Variants in ST8SIA4 observed in about 807,000 individuals in gnomAD.
ST8SIA4 encodes ST8 alpha-N-acetyl-neuraminide alpha-2,8-sialyltransferase 4.
In ST8SIA4, 15 loss-of-function variants were observed where a neutral mutation model predicts 33.9. The observed-to-expected ratio is 0.44, with a 90% CI of 0.30 to 0.68. ST8SIA4 has a LOEUF of 0.68. Among genes scored for constraint, ST8SIA4 ranks in the 30% least tolerant of loss-of-function variants. The probability of loss-of-function intolerance (pLI) is 0.10; values close to 1 mark genes in which losing one functional copy is unlikely to be tolerated. For missense variants in ST8SIA4, 321 were observed against 428.0 expected (o/e 0.75, Z 2.21); for synonymous variants, 171 against 151.2 (o/e 1.13, Z -0.96).
intron 4 of ST8SIA4, among the ~76,000 whole-genome samples, chr5:100,846,567 C>G (rs1751577361): frequency 6.6e-6 from 1 of 151,748 alleles, no homozygotes; most frequent in Admixed American, 6.6e-5. Flanking sequence ...GTCAATCTCA[C>G]CAAAAGGAAA....
intron 4 of ST8SIA4, chr5:100,848,928 C>T (rs1249808473): frequency 6.1e-6 from 1 of 162,878 alleles, no homozygotes; most frequent in Non-Finnish European, 1.3e-5. Flanking sequence ...TTATATATTT[C>T]AAATATATAT....
chr5:100,858,729 T>C (rs1751870978), intron 3 of ST8SIA4, among the ~76,000 whole-genome samples: 1 of 152,056 alleles, frequency 6.6e-6, no homozygotes, highest in Non-Finnish European at 1.5e-5. Context: ...CAAACCAACA[T>C]ATTTGATTTA....
chr5:100,870,569 A>G (rs1469360970), intron 3 of ST8SIA4, among the ~76,000 whole-genome samples: 2 of 152,288 alleles, frequency 1.3e-5, no homozygotes. Context: ...AAAATCGTTT[A>G]CAATCTTTGT....
intron 3 of ST8SIA4, among the ~76,000 whole-genome samples, chr5:100,858,344 C>T (rs1580466236): frequency 1.3e-5 from 2 of 151,894 alleles, no homozygotes; most frequent in African/African-American, 4.8e-5. Flanking sequence ...TAAAACAAAC[C>T]CTCAGTAATT....
intron 4 of ST8SIA4, among the ~76,000 whole-genome samples, chr5:100,820,074 T>C (rs1467383158): frequency 6.6e-6 from 1 of 152,214 alleles, no homozygotes; most frequent in Non-Finnish European, 1.5e-5. Flanking sequence ...TTTACCTTTG[T>C]TAATGATGTG....
chr5:100,886,287 C>A, intron 3 of ST8SIA4, 56 bp downstream of exon 3: 2 of 1,575,530 alleles, frequency 1.3e-6, no homozygotes, highest in South Asian at 1.2e-5. Context: ...GTTTTCCACC[C>A]CCAAGTAAAA....
At chr5:100,900,838 T>C (rs933538500) in intron 1 of ST8SIA4, among the ~76,000 whole-genome samples, 2 of 152,128 alleles carry the variant, frequency 1.3e-5, no homozygotes, top group Admixed American at 6.5e-5. Flanking sequence ...GGTTTCCCCC[T>C]ATCTTCTCAC....
chr5:100,821,463 C>A (rs1015134253), intron 4 of ST8SIA4, among the ~76,000 whole-genome samples: 1 of 152,038 alleles, frequency 6.6e-6, no homozygotes, highest in Admixed American at 6.5e-5. Flanking sequence ...TTTACTATGA[C>A]AATAAAATAT....
chr5:100,893,974 C>G lies in ST8SIA4; in HGVS notation c.245+1680G>C, dbSNP rs549370736. 4.6e-5 allele frequency among the ~76,000 whole-genome samples: 7 copies of G among 152,250 alleles called. No homozygotes were observed. In the South Asian group the frequency reaches 1.4e-3, roughly 32 times the overall value. ...AAGAAATATGAATCTTTACTCCATT[C>G]TAAACCAAAGTATATCTGTGTTTAT... On this transcript the variant is annotated intron_variant, in intron 2 of 4. Transcript: ENST00000231461.
chr5:100,828,011 T>C (rs1751178449), intron 4 of ST8SIA4, among the ~76,000 whole-genome samples: 1 of 152,236 alleles, frequency 6.6e-6, no homozygotes, highest in African/African-American at 2.4e-5. Context: ...CACTTAGCTA[T>C]GCATATACAG....
chr5:100,900,067 C>T (rs905376861), intron 1 of ST8SIA4, among the ~76,000 whole-genome samples: 2 of 152,270 alleles, frequency 1.3e-5, no homozygotes, highest in East Asian at 1.9e-4. Context: ...TTTCCATCTG[C>T]GTGGTATGAC....
At chr5:100,848,566 T>C (rs946754475) in intron 4 of ST8SIA4, among the ~76,000 whole-genome samples, 3 of 150,044 alleles carry the variant, frequency 2.0e-5, no homozygotes, top group African/African-American at 7.3e-5. Flanking sequence ...TATAATATAT[T>C]AATATATATG....
At chr5:100,844,612 T>C (rs1297364451) in intron 4 of ST8SIA4, among the ~76,000 whole-genome samples, 1 of 151,956 alleles carries the variant, frequency 6.6e-6, no homozygotes, top group East Asian at 1.9e-4. Flanking sequence ...ATTTTATCCA[T>C]GGAATGTGAA....
chr5:100,863,037 G>A (rs962945608), intron 3 of ST8SIA4, among the ~76,000 whole-genome samples: 1 of 152,188 alleles, frequency 6.6e-6, no homozygotes, highest in Non-Finnish European at 1.5e-5. Flanking sequence ...CTCATGTTTG[G>A]TCTGAAAGTC....
intron 2 of ST8SIA4, among the ~76,000 whole-genome samples, chr5:100,894,530 A>G (rs1031855736): frequency 6.6e-6 from 1 of 152,074 alleles, no homozygotes; most frequent in African/African-American, 2.4e-5. Flanking sequence ...GTCAATTTCA[A>G]ACCTTTAAAC....
chr5:100,808,545 C>A lies in ST8SIA4; in HGVS notation c.*3302G>T, dbSNP rs1335451323. The A allele has an allele frequency of 6.6e-6, 1 of 152,456 alleles. No individual in the cohort carries two copies. The allele number at this position is 152,456 out of a possible 1,614,324, so 9.4% of individuals were successfully genotyped here. ...AATAACAACCATGTTCTGTAAAGGA[C>A]AAGAATATTTCACAATCAGCTGCCT... On this transcript the variant is annotated 3_prime_UTR_variant, in exon 5 of 5. Transcript: ENST00000231461.
At chr5:100,869,942 C>T (rs1388572218) in intron 3 of ST8SIA4, among the ~76,000 whole-genome samples, 3 of 152,158 alleles carry the variant, frequency 2.0e-5, no homozygotes, top group African/African-American at 7.2e-5. Flanking sequence ...TGGTGTGCTG[C>T]ACCCATTAAC....
At chr5:100,842,206 G>A (rs756721158) in intron 4 of ST8SIA4, among the ~76,000 whole-genome samples, 5 of 151,748 alleles carry the variant, frequency 3.3e-5, no homozygotes, top group Non-Finnish European at 7.4e-5. Context: ...TATATATTCT[G>A]TGTTATTTCT....
chr5:100,892,258 G>A (rs535181051), intron 2 of ST8SIA4, among the ~76,000 whole-genome samples: 23 of 152,188 alleles, frequency 1.5e-4, no homozygotes, highest in African/African-American at 4.6e-4. Context: ...TCTCCCGTAC[G>A]ATGTTCACAG....
Sources: gnomAD v4.1 joint callset for allele counts (sites outside exome capture counted in the v4.1 genomes callset) on GRCh38, gnomAD v4.1.1 for gene constraint, MANE v1.5 for transcripts, NCBI Gene and HGNC (gene_info 2026-07-23, HGNC 2026-07-21) for gene names.